The following TMTC4 variants were observed in gnomAD, a reference collection of about 807,000 sequenced individuals.
The protein encoded by TMTC4 is transmembrane O-mannosyltransferase targeting cadherins 4.
In TMTC4, 65 loss-of-function variants were observed where a neutral mutation model predicts 86.0. The ratio of observed to expected loss-of-function variants is 0.76; its 90% CI spans 0.62 to 0.93. The LOEUF is 0.93. TMTC4 is among the 40% of genes least tolerant of loss of function. The pLI, the probability that TMTC4 is intolerant of heterozygous loss-of-function variation, is 0.00. For missense variants in TMTC4, 866 were observed against 948.1 expected (o/e 0.91, Z 1.14); for synonymous variants, 379 against 382.5 (o/e 0.99, Z 0.11).
At position 100,612,476 on chromosome 13, in the gene TMTC4, C is replaced by G; in HGVS notation, c.1986G>C (p.Glu662Asp). Residue 662 changes from glutamate to aspartate, a missense_variant, in exon 17 of 19, where the codon GAG becomes GAC. Glu to Asp is a conservative substitution (Grantham distance 45). Coordinates refer to ENST00000342624, the MANE Select transcript of TMTC4 (RefSeq NM_032813.5). Reference sequence around the variant, plus strand: ...GATCATTAGGTATTAATTCCAGTGCCTCTCTTCCAACTGCTTCAGCTTGGG... The same window carrying G: ...GATCATTAGGTATTAATTCCAGTGCGTCTCTTCCAACTGCTTCAGCTTGGG... ...NLAQAEAVGR[E>D]ALELIPNDHS... 6.2e-7 allele frequency: 1 copy of G among 1,611,724 alleles called. No individual in the cohort carries two copies. The highest frequency in any genetic ancestry group is 8.5e-7 in the Non-Finnish European group (1 of 1,179,298).
At chr13:100,606,201 A>G (rs1269860744) in intron 18 of TMTC4, among the ~76,000 whole-genome samples, 157 bp downstream of exon 18, 1 of 152,210 alleles carries the variant, frequency 6.6e-6, no homozygotes, top group Non-Finnish European at 1.5e-5. Flanking sequence ...AAGTGTGGCT[A>G]TCACTTTGCT....
intron 5 of TMTC4, among the ~76,000 whole-genome samples, chr13:100,658,337 G>A (rs1885354945): frequency 6.6e-6 from 1 of 152,162 alleles, no homozygotes; most frequent in Non-Finnish European, 1.5e-5. Flanking sequence ...GGGTGAGTGA[G>A]GAGGCAGCTG....
rs937480916 is a variant in TMTC4, at chr13:100,674,159, TCGGTGGCCCCGGGCGCCCGGGC to T, written c.-208+563_-208+584del. 6.5e-4 allele frequency: 588 copies of T among 899,860 alleles called. 1 individual carries two copies. Among genetic ancestry groups the T allele is most frequent in the Non-Finnish European group, 7.3e-4 (551 of 754,160 alleles). The allele number at this position is 899,860 out of a possible 1,614,324, so 55.7% of individuals were successfully genotyped here. A position where few individuals can be genotyped will look rare whatever the true frequency, so the allele number is the denominator to read the frequency against. On this transcript the variant is annotated intron_variant, in intron 1 of 18. Coordinates refer to ENST00000342624, the MANE Select transcript of TMTC4 (RefSeq NM_032813.5). Reference sequence around the variant, plus strand: ...CGAGCCCACGCCGGGAAGCGGCGGCTCGGTGGCCCCGGGCGCCCGGGCCGGTGGCCCCGCGCTCGCGCCGCTC... The same window carrying T: ...CGAGCCCACGCCGGGAAGCGGCGGCTCGGTGGCCCCGCGCTCGCGCCGCTC...
intron 15 of TMTC4, among the ~76,000 whole-genome samples, chr13:100,616,161 T>C (rs1878455067): frequency 6.6e-6 from 1 of 152,098 alleles, no homozygotes; most frequent in South Asian, 2.1e-4. Flanking sequence ...GTTGATTCCA[T>C]GTCTTTGCTA....
intron 15 of TMTC4, among the ~76,000 whole-genome samples, chr13:100,621,785 G>C (rs1210217737): frequency 2.6e-5 from 4 of 152,160 alleles, no homozygotes; most frequent in African/African-American, 9.7e-5. Context: ...TAGTTTAACA[G>C]ATACAGTGAA....
chr13:100,610,396 T>C (rs953849908), intron 17 of TMTC4, among the ~76,000 whole-genome samples: 2 of 152,182 alleles, frequency 1.3e-5, no homozygotes, highest in Admixed American at 6.5e-5. Context: ...ACCTAAACAG[T>C]TGCTTAAAAT....
At chr13:100,668,086 CA>C (rs765989857) in intron 3 of TMTC4, among the ~76,000 whole-genome samples, 15 of 152,180 alleles carry the variant, frequency 9.9e-5, no homozygotes, top group Non-Finnish European at 1.8e-4. Flanking sequence ...CCTGCCCCAG[CA>C]GCTGTCAGCA....
chr13:100,642,144 A>T, intron 7 of TMTC4, 67 bp downstream of exon 7: 1 of 1,543,714 alleles, frequency 6.5e-7, no homozygotes, highest in East Asian at 2.3e-5. Flanking sequence ...GGCCAGCCCC[A>T]GATGTCTTTA....
At position 100,614,393 on chromosome 13, in the gene TMTC4, G is replaced by C. The variant is rs774619015; in HGVS notation, c.1874C>G (p.Ala625Gly). Residue 625 changes from alanine (A) to glycine (G), a missense_variant, in exon 16 of 19, where the codon GCG becomes GGG. Transcript: ENST00000342624. ...TTTCAGCACGGTGGCATTTCTCCAC[G>C]CATTCAAGGCATCCACGTGGCGATT... ...DLNRHVDALN[A>G]WRNATVLKPE... 12 of 1,612,590 alleles carry C rather than the reference G, an allele frequency of 7.4e-6. No homozygotes were observed. The highest frequency in any genetic ancestry group is 4.4e-5 in the South Asian group (4 of 91,032).
In TMTC4 at chr13:100,637,954, T is replaced by C; in HGVS notation, c.810A>G (p.Val270=). 3.7e-6 allele frequency: 6 copies of C among 1,613,966 alleles called. No homozygotes were observed. Among genetic ancestry groups the C allele is most frequent in the Non-Finnish European group, 5.1e-6 (6 of 1,179,862 alleles). The change falls in exon 8 of 19, where the codon GTA becomes GTG. Residue 270 remains valine, a synonymous_variant. Coordinates refer to ENST00000342624, the MANE Select transcript of TMTC4 (RefSeq NM_032813.5). The stretch of plus-strand genomic sequence containing the variant: ...CCTCTAATGACTTGTCCTTATGTAG[T>C]ACCTTCTGGACAATTTCCAGAACAT... ...KFNVLEIVQK[V]LHKDKSLENL...
chr13:100,620,368 A>C (rs1879290524), intron 15 of TMTC4, among the ~76,000 whole-genome samples: 1 of 152,136 alleles, frequency 6.6e-6, no homozygotes, highest in Non-Finnish European at 1.5e-5. Context: ...CCAGGGTGGA[A>C]GCAGTGGTCT....
At position 100,626,064 on chromosome 13, in the gene TMTC4, G is replaced by A. The variant is rs770283895; in HGVS notation, c.1586+7C>T. 9.9e-6 allele frequency: 16 copies of A among 1,613,974 alleles called. No individual in the cohort carries two copies. Among genetic ancestry groups the A allele is most frequent in the Middle Eastern group, 1.6e-4 (1 of 6,084 alleles). The stretch of plus-strand genomic sequence containing the variant: ...CATAATTCTTCTGTAAGACATACTC[G>A]CCATACCTTACAGCTTCCCGGTAGT... On this transcript the variant is annotated splice_region_variant and intron_variant, in intron 13 of 18. Coordinates refer to ENST00000342624, the MANE Select transcript of TMTC4 (RefSeq NM_032813.5).
At position 100,605,172 on chromosome 13, in the gene TMTC4, G is replaced by C. The variant is rs769753751; in HGVS notation, c.2135-30C>G. 1 of 1,602,378 alleles carries C rather than the reference G, an allele frequency of 6.2e-7. No individual in the cohort carries two copies. The highest frequency in any genetic ancestry group is 8.5e-7 in the Non-Finnish European group (1 of 1,174,500). On this transcript the variant is annotated intron_variant, in intron 18 of 18. Coordinates refer to ENST00000342624, the MANE Select transcript of TMTC4 (RefSeq NM_032813.5). This position sits in a 1 kb window ranked among gnomAD's most constrained non-coding sequence, Gnocchi z 4.3. ...AATAGCAGGAGATAAATTTCACTGG[G>C]AATGCTTCTGAGTAACGTGCCGTAT...
intron 4 of TMTC4, 70 bp from the exon 5 acceptor site, chr13:100,663,250 G>A (rs951224995): frequency 2.2e-6 from 3 of 1,357,200 alleles, no homozygotes; most frequent in Non-Finnish European, 2.1e-6. Context: ...AGGTCTGGAG[G>A]AGAAGGCTTG....
At chr13:100,641,488 T>C (rs566867438) in intron 7 of TMTC4, among the ~76,000 whole-genome samples, 1 of 152,042 alleles carries the variant, frequency 6.6e-6, no homozygotes, top group Non-Finnish European at 1.5e-5. Flanking sequence ...CTTCTTTCTT[T>C]TTTTTTTTCT....
At chr13:100,650,724 C>T (rs1388584535) in intron 6 of TMTC4, among the ~76,000 whole-genome samples, 1 of 152,172 alleles carries the variant, frequency 6.6e-6, no homozygotes, top group Non-Finnish European at 1.5e-5. Context: ...ATGAAGCAAC[C>T]AAAGAAACAG....
At chr13:100,674,548 G>T (rs1887592446) in intron 1 of TMTC4, 196 bp downstream of exon 1, 1 of 982,210 alleles carries the variant, frequency 1.0e-6, no homozygotes, top group Non-Finnish European at 1.2e-6. Context: ...CTCACACAGG[G>T]GCCCGCGTCC....
Position 100,625,553 on chromosome 13 carries a change from G to A in TMTC4, c.1818C>T (p.Tyr606=), listed in dbSNP as rs201517710. Reference sequence around the variant, plus strand: ...CGCTTACCAGACGCCCGAGGTTGTAGTAACAGTCTGGGTATTTCCTTCTGT... The same window carrying A: ...CGCTTACCAGACGCCCGAGGTTGTAATAACAGTCTGGGTATTTCCTTCTGT... The part of the protein sequence containing the change: ...IKHRRKYPDC[Y]YNLGRLYADL... The change falls in exon 15 of 19, where the codon TAC becomes TAT. Residue 606 remains tyrosine (Y), a synonymous_variant. Transcript: ENST00000342624. 2.5e-6 allele frequency: 4 copies of A among 1,614,158 alleles called. No homozygotes were observed. Among genetic ancestry groups the A allele is most frequent in the Middle Eastern group, 1.6e-4 (1 of 6,062 alleles).
rs561605747 is a variant in TMTC4, at chr13:100,668,658, G to A, written c.140C>T (p.Ser47Leu). 54 of 1,614,192 alleles carry A rather than the reference G, an allele frequency of 3.3e-5. No homozygotes were observed. Among genetic ancestry groups the A allele is most frequent in the East Asian group, 2.5e-4 (11 of 44,888 alleles). ...PPFWAKLVVGSVAIVCFARSY... is the reference protein window; with the variant it reads ...PPFWAKLVVGLVAIVCFARSY... ...GCGTGCAAAACACACAATGGCAACCGATCCCACTACTAACTTAGCCCAGAA... is the reference window on the plus strand; with the variant it reads ...GCGTGCAAAACACACAATGGCAACCAATCCCACTACTAACTTAGCCCAGAA... Residue 47 changes from serine to leucine, a missense_variant, in exon 3 of 19, where the codon TCG becomes TTG. Physicochemically the swap from Ser to Leu is moderately radical, Grantham distance 145. Coordinates refer to ENST00000342624, the MANE Select transcript of TMTC4 (RefSeq NM_032813.5).
Sources: allele counts gnomAD v4.1 joint callset (sites outside exome capture counted in the v4.1 genomes callset), GRCh38; gene constraint gnomAD v4.1.1; non-coding constraint Gnocchi (gnomAD v3.1); transcripts MANE v1.5; gene names NCBI Gene and HGNC (gene_info 2026-07-23, HGNC 2026-07-21).